The following ATP13A3 variants were observed in gnomAD, a reference collection of about 807,000 sequenced individuals.
ATP13A3 encodes polyamine-transporting ATPase 13A3.
In ATP13A3, 59 loss-of-function variants were observed where a neutral mutation model predicts 158.1. The observed-to-expected ratio is 0.37, with a 90% CI of 0.30 to 0.46. The LOEUF is 0.46. Ranked by LOEUF, ATP13A3 falls within the 20% of genes least tolerant of loss-of-function variation. ATP13A3 has a pLI of 1.00. For missense variants in ATP13A3, 1,166 were observed against 1,525.2 expected (o/e 0.76, Z 3.92); for synonymous variants, 491 against 504.3 (o/e 0.97, Z 0.35).
intron 30 of ATP13A3, among the ~76,000 whole-genome samples, chr3:194,422,742 T>C (rs1716482050): frequency 6.6e-6 from 1 of 151,784 alleles, no homozygotes; most frequent in Admixed American, 6.6e-5. Flanking sequence ...CGAAATAAGG[T>C]AGACACACAT....
chr3:194,433,933 T>A (rs372386813), intron 20 of ATP13A3, 37 bp from the exon 21 acceptor site: 1 of 1,593,708 alleles, frequency 6.3e-7, no homozygotes, highest in Non-Finnish European at 8.6e-7. Flanking sequence ...AATGGTTTAG[T>A]CAATTGAGTA....
intron 30 of ATP13A3, among the ~76,000 whole-genome samples, chr3:194,421,155 A>AGTT (rs1275943684): frequency 1.2e-4 from 3 of 25,864 alleles, no homozygotes; most frequent in African/African-American, 2.3e-4. Flanking sequence ...ATATATATAT[A>AGTT]TATATATATA....
At chr3:194,485,264 G>A (rs1198189331) in intron 2 of ATP13A3, among the ~76,000 whole-genome samples, 7 of 152,064 alleles carry the variant, frequency 4.6e-5, no homozygotes, top group African/African-American at 1.4e-4. Flanking sequence ...TTACTACTTC[G>A]AACAACTTCC....
At chr3:194,436,098 A>T (rs1399157895) in intron 20 of ATP13A3, among the ~76,000 whole-genome samples, 1 of 152,196 alleles carries the variant, frequency 6.6e-6, no homozygotes, top group African/African-American at 2.4e-5. Flanking sequence ...ATGCATATGT[A>T]TCACATAATT....
At chr3:194,466,241 T>C (rs981911907) in intron 2 of ATP13A3, among the ~76,000 whole-genome samples, 2 of 151,582 alleles carry the variant, frequency 1.3e-5, no homozygotes, top group African/African-American at 2.4e-5. Context: ...GAAATAAAAT[T>C]CAGAGAAAAA....
At chr3:194,411,598 C>CT (rs1715436052) in intron 33 of ATP13A3, among the ~76,000 whole-genome samples, 1 of 152,130 alleles carries the variant, frequency 6.6e-6, no homozygotes, top group Admixed American at 6.6e-5. Flanking sequence ...AAATGACAGG[C>CT]TGTTTAACAG....
intron 2 of ATP13A3, among the ~76,000 whole-genome samples, chr3:194,481,950 T>C (rs547093149): frequency 6.6e-6 from 1 of 152,370 alleles, no homozygotes; most frequent in African/African-American, 2.4e-5. Context: ...GTTAATGTTT[T>C]ACCATCTCAG....
chr3:194,481,658 C>T (rs1015515694), intron 2 of ATP13A3, among the ~76,000 whole-genome samples: 2 of 152,174 alleles, frequency 1.3e-5, no homozygotes, highest in African/African-American at 4.8e-5. Context: ...TGAGCTAGAA[C>T]CATCTTTCAC....
At chr3:194,453,541 G>A (rs1718974377) in intron 10 of ATP13A3, among the ~76,000 whole-genome samples, 165 bp downstream of exon 10, 1 of 152,184 alleles carries the variant, frequency 6.6e-6, no homozygotes, top group African/African-American at 2.4e-5. Flanking sequence ...CAAGGCTGCA[G>A]TAAGCTGAGA....
At chr3:194,443,940 G>A (rs1372626790) in intron 15 of ATP13A3, among the ~76,000 whole-genome samples, 1 of 152,072 alleles carries the variant, frequency 6.6e-6, no homozygotes, top group Non-Finnish European at 1.5e-5. Flanking sequence ...ACAGAAGAAT[G>A]CTAAATGACC....
Position 194,427,204 on chromosome 3 carries a change from G to A in ATP13A3, c.2996C>T (p.Ser999Leu), listed in dbSNP as rs754284040. 41 of 1,611,048 alleles carry A rather than the reference G, an allele frequency of 2.5e-5. No homozygotes were observed. Among genetic ancestry groups the A allele is most frequent in the African/African-American group, 5.4e-5 (4 of 74,590 alleles). Residue 999 changes from serine to leucine, a missense_variant, in exon 29 of 34, where the codon TCG becomes TTG. Transcript: ENST00000645319. ...WKELVAQRPP[S>L]GLISGALLFS... Reference sequence around the variant, plus strand: ...GAGAAGGGCCCCAGATATAAGACCCGAAGGTGGTCTTTGTGCCACAAGTTC... The same window carrying A: ...GAGAAGGGCCCCAGATATAAGACCCAAAGGTGGTCTTTGTGCCACAAGTTC...
chr3:194,463,083 C>A (rs1719770152), intron 2 of ATP13A3, among the ~76,000 whole-genome samples: 1 of 152,196 alleles, frequency 6.6e-6, no homozygotes, highest in Non-Finnish European at 1.5e-5. Flanking sequence ...TATTAATCAT[C>A]CAATAAATAT....
At chr3:194,469,351 G>A (rs1473930166) in intron 2 of ATP13A3, among the ~76,000 whole-genome samples, 1 of 151,610 alleles carries the variant, frequency 6.6e-6, no homozygotes, top group Non-Finnish European at 1.5e-5. Context: ...CTAGTTACTA[G>A]GGAGAGGCTG....
intron 30 of ATP13A3, among the ~76,000 whole-genome samples, chr3:194,421,890 C>T (rs906457058): frequency 1.5e-5 from 2 of 133,670 alleles, no homozygotes; most frequent in Non-Finnish European, 3.0e-5. Flanking sequence ...TTGCATTTTT[C>T]AAACCACAGC....
Position 194,450,369 on chromosome 3 carries a change from T to C in ATP13A3, c.839-93A>G. On this transcript the variant is annotated intron_variant, in intron 10 of 33. Transcript: ENST00000645319. ...CTATTCAGAAGTCATCTGATCTCAA[T>C]AAGAAGTTTATAATGGGGTAAAATA... is the stretch of plus-strand genomic sequence containing the variant. The C allele has an allele frequency of 1.6e-5, 20 of 1,247,140 alleles. No individual in the cohort carries two copies. In the South Asian group the frequency reaches 2.6e-4, roughly 16 times the overall value. The allele number at this position is 1,247,140 out of a possible 1,614,324, so 77.3% of individuals were successfully genotyped here.
chr3:194,464,254 A>G (rs1577083482), intron 2 of ATP13A3, among the ~76,000 whole-genome samples: 1 of 152,336 alleles, frequency 6.6e-6, no homozygotes, highest in Middle Eastern at 3.4e-3. Flanking sequence ...TGAATACATA[A>G]ACATTGGTGC....
intron 7 of ATP13A3, 86 bp downstream of exon 7, chr3:194,457,008 T>C: frequency 2.2e-6 from 2 of 899,794 alleles, no homozygotes; most frequent in Non-Finnish European, 3.5e-6. Flanking sequence ...TGTTAATATG[T>C]ACAACTATAT....
chr3:194,483,342 C>G (rs1291379331), intron 2 of ATP13A3, among the ~76,000 whole-genome samples: 1 of 149,414 alleles, frequency 6.7e-6, no homozygotes, highest in African/African-American at 2.5e-5. Context: ...GTAACCCTAA[C>G]ACTTTGGGAG....
At chr3:194,429,247 T>G (rs1717040848) in intron 27 of ATP13A3, among the ~76,000 whole-genome samples, 1 of 141,748 alleles carries the variant, frequency 7.1e-6, no homozygotes, top group Non-Finnish European at 1.5e-5. Context: ...GCCAACATGG[T>G]TTTTTTGGCA....
Sources: allele counts gnomAD v4.1 joint callset (sites outside exome capture counted in the v4.1 genomes callset), GRCh38; gene constraint gnomAD v4.1.1; transcripts MANE v1.5; gene names NCBI Gene and HGNC (gene_info 2026-07-23, HGNC 2026-07-21).